Variants in TRANK1 observed in about 807,000 individuals in gnomAD.
TRANK1 encodes the protein tetratricopeptide repeat and ankyrin repeat containing 1.
A neutral mutation model predicts 266.0 loss-of-function variants in TRANK1; 198 were observed. The ratio of observed to expected loss-of-function variants is 0.74; its 90% confidence interval spans 0.66 to 0.84. TRANK1 has a LOEUF of 0.84. Among genes scored for constraint, TRANK1 ranks in the 40% least tolerant of loss-of-function variants. The pLI, the probability that TRANK1 is intolerant of heterozygous loss-of-function variation, is 0.00. For missense variants in TRANK1, 3,326 were observed against 3,634.6 expected (o/e 0.92, Z 2.18); for synonymous variants, 1,396 against 1,384.1 (o/e 1.01, Z -0.19).
Position 36,856,834 on chromosome 3 carries a change from T to A in TRANK1, c.2888A>T (p.Asn963Ile). The A allele has an allele frequency of 1.2e-6, 2 of 1,614,000 alleles. No homozygotes were observed. The highest frequency in any genetic ancestry group is 1.7e-6 in the Non-Finnish European group (2 of 1,179,894). Residue 963 changes from asparagine to isoleucine, a missense_variant, in exon 13 of 24, where the codon AAC becomes ATC. Coordinates refer to ENST00000645898, the MANE Select transcript of TRANK1 (RefSeq NM_001329998.2). ...CCGCAGGACACAGGACAAGCCCCGGTTGTAGGCATTGCAGATGGCCTTGAT... is the reference window on the plus strand; with the variant it reads ...CCGCAGGACACAGGACAAGCCCCGGATGTAGGCATTGCAGATGGCCTTGAT... ...DSIKAICNAY[N>I]RGLSCVLRKK...
intron 9 of TRANK1, among the ~76,000 whole-genome samples, chr3:36,871,775 A>T (rs1172920636): frequency 6.6e-6 from 1 of 152,186 alleles, no homozygotes; most frequent in African/African-American, 2.4e-5. Context: ...ATTAAAACAT[A>T]AATGGGGAAA....
rs565174922 is a variant in TRANK1 at position 36,942,482 on chromosome 3, CAAAAAA to C, written c.23+2299_23+2304del. On this transcript the variant is annotated intron_variant, in intron 1 of 23. Transcript: ENST00000645898. ...TGCAGCATCTTCCCTTCTTCTTCCT[CAAAAAA>C]AAAAAAAAAAAAAAAAAAGAACAGG... Among the ~76,000 whole-genome samples, 365 of 79,948 alleles carry C rather than the reference CAAAAAA, an allele frequency of 4.6e-3. 3 individuals are homozygous for C. Among genetic ancestry groups the C allele is most frequent in the African/African-American group, 0.016 (344 of 21,836 alleles). The allele number at this position is 79,948 out of a possible 152,430, so 52.4% of individuals were successfully genotyped here. A position where few individuals can be genotyped will look rare whatever the true frequency, so the allele number is the denominator to read the frequency against.
chr3:36,831,417 C>T lies in TRANK1; in HGVS notation c.8166G>A (p.Lys2722=), dbSNP rs771754459. 45 of 1,613,000 alleles carry T rather than the reference C, an allele frequency of 2.8e-5. No individual in the cohort carries two copies. The highest frequency in any genetic ancestry group is 3.1e-5 in the Non-Finnish European group (37 of 1,179,530). ...QKQRKASIQR[K]LRRACLVVSL... ...ACACCACCAGGCATGCCCTCCTCAA[C>T]TTCCGCTGTATGGAGGCCTTCCGTT... Residue 2722 remains lysine, a synonymous_variant, in exon 22 of 24, where the codon AAG becomes AAA. Coordinates refer to ENST00000645898, the MANE Select transcript of TRANK1 (RefSeq NM_001329998.2). The surrounding 1 kb of genome is among the most constrained non-coding windows in gnomAD (Gnocchi z 5.0).
intron 1 of TRANK1, among the ~76,000 whole-genome samples, chr3:36,909,194 G>A (rs972959781): frequency 3.2e-4 from 48 of 152,170 alleles, no homozygotes; most frequent in Non-Finnish European, 7.3e-5. Context: ...GCCTCTTTCA[G>A]GTCAAACCCC....
At chr3:36,903,080 T>TC in intron 3 of TRANK1, 69 bp downstream of exon 3, 1 of 1,490,174 alleles carries the variant, frequency 6.7e-7, no homozygotes. Context: ...TCTCATCCTT[T>TC]CATACCTTCA....
chr3:36,900,741 G>T (rs575224416), intron 3 of TRANK1, among the ~76,000 whole-genome samples: 1 of 151,006 alleles, frequency 6.6e-6, no homozygotes, highest in East Asian at 1.9e-4. Flanking sequence ...CATTAGCTGG[G>T]CATGGTGGTG....
chr3:36,923,522 C>T (rs1252338100), intron 1 of TRANK1, among the ~76,000 whole-genome samples: 2 of 152,128 alleles, frequency 1.3e-5, no homozygotes, highest in African/African-American at 4.8e-5. Context: ...TCCCAAAGTG[C>T]TAGGATTACA....
At chr3:36,933,080 C>T (rs1325159191) in intron 1 of TRANK1, among the ~76,000 whole-genome samples, 4 of 152,132 alleles carry the variant, frequency 2.6e-5, no homozygotes, top group East Asian at 1.9e-4. Context: ...CAGTACCAGG[C>T]GTTATCAGTA....
chr3:36,859,829 C>T (rs1250841288), intron 11 of TRANK1, among the ~76,000 whole-genome samples: 1 of 152,164 alleles, frequency 6.6e-6, no homozygotes, highest in Non-Finnish European at 1.5e-5. Flanking sequence ...GAAAGTAACA[C>T]TCCACTTAAG....
intron 3 of TRANK1, 132 bp from the exon 4 acceptor site, chr3:36,899,391 A>C: frequency 2.1e-6 from 2 of 974,856 alleles, no homozygotes; most frequent in Middle Eastern, 2.7e-4. Context: ...ACAGTGGCTC[A>C]TGCCTGTAAT....
In TRANK1 at chr3:36,899,231, A is replaced by T. The variant is rs1412721846; in HGVS notation, c.311T>A (p.Leu104Gln). 1 of 1,537,222 alleles carries T rather than the reference A, an allele frequency of 6.5e-7. No homozygotes were observed. The highest frequency in any genetic ancestry group is 2.4e-5 in the East Asian group (1 of 40,936). Residue 104 changes from leucine to glutamine, a missense_variant, in exon 4 of 24, where the codon CTG (leucine) becomes CAG (glutamine). Coordinates refer to ENST00000645898, the MANE Select transcript of TRANK1 (RefSeq NM_001329998.2). Reference protein sequence around the residue: ...KGYYRAGYSLLRLHQPYEAAR... With the variant: ...KGYYRAGYSLQRLHQPYEAAR... The stretch of plus-strand genomic sequence containing the variant: ...GGCTTCGTAAGGCTGGTGCAACCTC[A>T]GCAAGGAATAACCAGCTCGGTAGTA...
At chr3:36,891,286 G>A (rs923262731) in intron 7 of TRANK1, among the ~76,000 whole-genome samples, 23 of 152,148 alleles carry the variant, frequency 1.5e-4, no homozygotes, top group Non-Finnish European at 3.2e-4. Flanking sequence ...GCTGCAGTGA[G>A]CCAATATCAC....
chr3:36,885,384 C>G (rs2079588104), intron 8 of TRANK1, among the ~76,000 whole-genome samples: 1 of 152,160 alleles, frequency 6.6e-6, no homozygotes, highest in African/African-American at 2.4e-5. Flanking sequence ...GACTACTACT[C>G]TCTGAAAGGG....
intron 17 of TRANK1, among the ~76,000 whole-genome samples, chr3:36,844,260 T>C (rs567084852): frequency 3.3e-5 from 5 of 152,342 alleles, no homozygotes; most frequent in Non-Finnish European, 5.9e-5. Context: ...GGAGTCTTGC[T>C]CTATCACCCA....
At chr3:36,865,448 T>C (rs2079202657) in intron 9 of TRANK1, among the ~76,000 whole-genome samples, 1 of 152,190 alleles carries the variant, frequency 6.6e-6, no homozygotes, top group Non-Finnish European at 1.5e-5. Flanking sequence ...TCCAACTACA[T>C]GTCAGCCACC....
chr3:36,890,078 G>T, intron 7 of TRANK1, 118 bp from the exon 8 acceptor site: 2 of 1,354,796 alleles, frequency 1.5e-6, no homozygotes, highest in Non-Finnish European at 9.9e-7. Flanking sequence ...GCAAGTCAGT[G>T]TGGACCACGC....
At chr3:36,884,752 G>T (rs1451676410) in intron 8 of TRANK1, among the ~76,000 whole-genome samples, 1 of 152,054 alleles carries the variant, frequency 6.6e-6, no homozygotes, top group East Asian at 1.9e-4. Flanking sequence ...GGCCAACATG[G>T]TGAAACCCTG....
At chr3:36,861,561 A>C (rs2079142636) in intron 10 of TRANK1, among the ~76,000 whole-genome samples, 1 of 152,190 alleles carries the variant, frequency 6.6e-6, no homozygotes, top group Non-Finnish European at 1.5e-5. Context: ...AAGAGCCATA[A>C]GGTAACCATG....
chr3:36,843,405 A>T (rs2078874688), intron 17 of TRANK1, among the ~76,000 whole-genome samples: 1 of 152,172 alleles, frequency 6.6e-6, no homozygotes, highest in African/African-American at 2.4e-5. Context: ...GGCTTCAGCA[A>T]GAAAAAAAAG....
Sources: allele counts gnomAD v4.1 joint callset (sites outside exome capture counted in the v4.1 genomes callset), GRCh38; gene constraint gnomAD v4.1.1; non-coding constraint Gnocchi (gnomAD v3.1); transcripts MANE v1.5; gene names NCBI Gene and HGNC (gene_info 2026-07-23, HGNC 2026-07-21).